Variants in PRR5L observed in about 807,000 individuals in gnomAD.
The protein encoded by PRR5L is proline rich 5 like.
PRR5L carries 21 observed loss-of-function variants against 36.4 expected under a neutral mutation model. The observed-to-expected ratio is 0.58, with a 90% CI of 0.41 to 0.83. PRR5L has a LOEUF of 0.83. PRR5L is among the 40% of genes least tolerant of loss of function. PRR5L has a pLI of 0.00. For synonymous variants in PRR5L, 188 were observed against 197.0 expected (o/e 0.95, Z 0.38); for missense variants, 381 against 473.3 (o/e 0.80, Z 1.81).
intron 1 of PRR5L, among the ~76,000 whole-genome samples, chr11:36,300,616 A>G (rs1050702670): frequency 5.3e-5 from 8 of 152,108 alleles, no homozygotes; most frequent in Non-Finnish European, 8.8e-5. Flanking sequence ...TACTTAACCT[A>G]AAGATGACTT....
At position 36,462,811 on chromosome 11, in the gene PRR5L, AG is replaced by A. The variant is rs1249200217; in HGVS notation, c.*81del. On this transcript the variant is annotated 3_prime_UTR_variant, in exon 9 of 9. Transcript: ENST00000530639. ...ACCCCTCCATCTCCGTGGATTACTGAGGGGGGCTCTTGCTTTATGCGATGCT... is the reference window on the plus strand; with the variant it reads ...ACCCCTCCATCTCCGTGGATTACTGAGGGGGCTCTTGCTTTATGCGATGCT... 4.1e-5 allele frequency: 57 copies of A among 1,373,724 alleles called. No homozygotes were observed. Among genetic ancestry groups the A allele is most frequent in the Non-Finnish European group, 5.5e-5 (56 of 1,020,590 alleles). 85.1% of individuals were successfully genotyped at this position (1,373,724 alleles called of 1,614,324 possible).
intron 1 of PRR5L, among the ~76,000 whole-genome samples, chr11:36,317,845 C>T (rs542158454): frequency 1.7e-4 from 26 of 152,262 alleles, no homozygotes; most frequent in African/African-American, 5.8e-4. Context: ...CTGTGAAATA[C>T]GTGTTCAAGT....
At chr11:36,316,049 G>A (rs1856553387) in intron 1 of PRR5L, among the ~76,000 whole-genome samples, 1 of 152,178 alleles carries the variant, frequency 6.6e-6, no homozygotes, top group Admixed American at 6.5e-5. Flanking sequence ...ACCTCCTCCT[G>A]ATTGTTATAG....
intron 1 of PRR5L, among the ~76,000 whole-genome samples, chr11:36,328,596 C>G (rs1426885626): frequency 1.3e-5 from 2 of 152,194 alleles, no homozygotes; most frequent in Non-Finnish European, 2.9e-5. Flanking sequence ...CCTGTGGAAC[C>G]ATGAGCCAAT....
At chr11:36,366,500 A>C (rs1048867487) in intron 1 of PRR5L, among the ~76,000 whole-genome samples, 10 of 152,178 alleles carry the variant, frequency 6.6e-5, no homozygotes, top group African/African-American at 2.2e-4. Context: ...TTTGCAAAGG[A>C]AGATTTTGAG....
At chr11:36,389,482 A>G (rs1857522074) in intron 1 of PRR5L, among the ~76,000 whole-genome samples, 1 of 152,200 alleles carries the variant, frequency 6.6e-6, no homozygotes, top group Admixed American at 6.5e-5. Flanking sequence ...TTTGACAGAC[A>G]AGGACACTGA....
intron 3 of PRR5L, among the ~76,000 whole-genome samples, chr11:36,405,783 A>T (rs6484848): frequency 6.6e-6 from 1 of 152,044 alleles, no homozygotes; most frequent in Non-Finnish European, 1.5e-5. Flanking sequence ...CCGGTCATTT[A>T]CATTCCTGGT....
intron 1 of PRR5L, among the ~76,000 whole-genome samples, chr11:36,357,495 G>T (rs975018881): frequency 2.0e-5 from 3 of 152,200 alleles, no homozygotes; most frequent in African/African-American, 7.2e-5. Flanking sequence ...TCAAAGGACA[G>T]GCTGACTCTC....
intron 1 of PRR5L, among the ~76,000 whole-genome samples, chr11:36,298,224 A>T (rs1409442350): frequency 1.3e-5 from 2 of 152,190 alleles, no homozygotes; most frequent in Admixed American, 1.3e-4. Context: ...TTTTTTTGGT[A>T]CCAGAGACCA....
At chr11:36,438,861 G>C (rs752977056) in intron 6 of PRR5L, among the ~76,000 whole-genome samples, 1 of 152,146 alleles carries the variant, frequency 6.6e-6, no homozygotes, top group Non-Finnish European at 1.5e-5. Context: ...CTTGAGCCCA[G>C]ACGATTGAAG....
chr11:36,461,367 A>G (rs1859175802), intron 8 of PRR5L, among the ~76,000 whole-genome samples: 1 of 152,154 alleles, frequency 6.6e-6, no homozygotes, highest in African/African-American at 2.4e-5. Flanking sequence ...TCACACCTTT[A>G]ATCCCAGCAC....
intron 1 of PRR5L, among the ~76,000 whole-genome samples, chr11:36,296,659 C>T (rs1291806635): frequency 6.6e-6 from 1 of 152,226 alleles, no homozygotes; most frequent in Admixed American, 6.5e-5. Context: ...TGTTCAGTGC[C>T]TCTGATATCT....
intron 5 of PRR5L, among the ~76,000 whole-genome samples, chr11:36,433,392 G>A (rs972478303): frequency 1.3e-5 from 2 of 152,102 alleles, no homozygotes; most frequent in Non-Finnish European, 2.9e-5. Flanking sequence ...TTCAGCATAA[G>A]GTCCTCAAAT....
chr11:36,418,572 G>A (rs150388182), intron 3 of PRR5L, among the ~76,000 whole-genome samples: 1,713 of 152,158 alleles, frequency 0.011, 33 homozygotes, highest in African/African-American at 0.039. Context: ...CGAGGCGGGC[G>A]GATCACGAGG....
chr11:36,405,675 A>G (rs1590545938), intron 3 of PRR5L, among the ~76,000 whole-genome samples: 1 of 152,246 alleles, frequency 6.6e-6, no homozygotes, highest in Non-Finnish European at 1.5e-5. Context: ...GTAGTAGTCT[A>G]CCGGGGCTGC....
At chr11:36,449,257 A>G (rs1051870312) in intron 7 of PRR5L, among the ~76,000 whole-genome samples, 1 of 152,168 alleles carries the variant, frequency 6.6e-6, no homozygotes, top group African/African-American at 2.4e-5. Context: ...TGCTACAGGA[A>G]ATTTGGGCCT....
chr11:36,463,332 A>G lies in PRR5L; in HGVS notation c.*596A>G, dbSNP rs1859231418. ...AAAGTTACCCCACTGGTGGGTGAGG[A>G]TCTATCCTCAACCTACATCCAGATC... On this transcript the variant is annotated 3_prime_UTR_variant, in exon 9 of 9. Transcript: ENST00000530639. 6.6e-6 allele frequency: 1 copy of G among 152,214 alleles called. No individual in the cohort carries two copies. The highest frequency in any genetic ancestry group is 2.1e-4 in the South Asian group (1 of 4,830). 9.4% of individuals were successfully genotyped at this position (152,214 alleles called of 1,614,324 possible). A position where few individuals can be genotyped will look rare whatever the true frequency, so the allele number is the denominator to read the frequency against.
intron 1 of PRR5L, among the ~76,000 whole-genome samples, chr11:36,382,653 G>A (rs531885661): frequency 5.3e-5 from 8 of 152,276 alleles, no homozygotes; most frequent in South Asian, 2.1e-4. Flanking sequence ...TGGTTTTGGC[G>A]GATAATTCTT....
At chr11:36,456,406 T>C (rs1859059544) in intron 8 of PRR5L, among the ~76,000 whole-genome samples, 2 of 152,162 alleles carry the variant, frequency 1.3e-5, no homozygotes, top group Non-Finnish European at 2.9e-5. Context: ...TCCCAGGACC[T>C]GGCACAGACC....
Sources: allele counts gnomAD v4.1 joint callset (sites outside exome capture counted in the v4.1 genomes callset), GRCh38; gene constraint gnomAD v4.1.1; transcripts MANE v1.5; gene names NCBI Gene and HGNC (gene_info 2026-07-23, HGNC 2026-07-21).